Variants in ANKS1B observed in about 807,000 individuals in gnomAD.
The protein encoded by ANKS1B is ankyrin repeat and sterile alpha motif domain containing 1B.
A neutral mutation model predicts 148.3 loss-of-function variants in ANKS1B; 36 were observed. The ratio of observed to expected loss-of-function variants is 0.24; its 90% CI spans 0.19 to 0.32. ANKS1B has a LOEUF of 0.32. Ranked by LOEUF, ANKS1B falls within the 10% of genes least tolerant of loss-of-function variation. The pLI, the probability that ANKS1B is intolerant of heterozygous loss-of-function variation, is 1.00. For synonymous variants in ANKS1B, 542 were observed against 560.8 expected (o/e 0.97, Z 0.47); for missense variants, 1,157 against 1,542.6 (o/e 0.75, Z 4.19).
chr12:99,587,829 ATAGT>A (rs1450881682), intron 9 of ANKS1B, among the ~76,000 whole-genome samples: 1 of 152,200 alleles, frequency 6.6e-6, no homozygotes, highest in African/African-American at 2.4e-5. Flanking sequence ...TAGGTAAAAA[ATAGT>A]TAAATCCATG....
At chr12:99,045,740 T>C (rs1413035499) in intron 17 of ANKS1B, among the ~76,000 whole-genome samples, 2 of 152,158 alleles carry the variant, frequency 1.3e-5, no homozygotes, top group African/African-American at 2.4e-5. Flanking sequence ...GCATGAGGCA[T>C]TGAAGGACAG....
At chr12:99,601,418 A>C (rs1567448952) in intron 9 of ANKS1B, among the ~76,000 whole-genome samples, 1 of 152,096 alleles carries the variant, frequency 6.6e-6, no homozygotes, top group African/African-American at 2.4e-5. Context: ...AACAGATGAC[A>C]TTGTAGCTTT....
intron 9 of ANKS1B, chr12:99,647,904 A>G: frequency 4.6e-6 from 2 of 437,350 alleles, no homozygotes; most frequent in Non-Finnish European, 8.1e-6. Context: ...CCGGACATCC[A>G]CGAGGGCCCC....
intron 9 of ANKS1B, among the ~76,000 whole-genome samples, chr12:99,555,566 G>C (rs2097267421): frequency 6.6e-6 from 1 of 152,102 alleles, no homozygotes. Context: ...TATGATGTTG[G>C]TTGTGGGTTT....
chr12:99,867,850 C>A (rs1027311522), intron 1 of ANKS1B, among the ~76,000 whole-genome samples: 1 of 152,144 alleles, frequency 6.6e-6, no homozygotes, highest in African/African-American at 2.4e-5. Context: ...CGCAGCCTCA[C>A]AAGAACATTG....
intron 17 of ANKS1B, among the ~76,000 whole-genome samples, chr12:99,002,762 G>T (rs1194303233): frequency 3.9e-5 from 6 of 152,186 alleles, no homozygotes; most frequent in African/African-American, 1.4e-4. Flanking sequence ...TACATAGTTT[G>T]CAAATGTTTT....
chr12:99,772,583 T>A (rs1410102068), intron 8 of ANKS1B: 2 of 164,146 alleles, frequency 1.2e-5, no homozygotes, highest in Non-Finnish European at 2.6e-5. Flanking sequence ...GGGAAGACAG[T>A]CGAAAGGAAG....
At chr12:99,283,019 C>T (rs755479642) in intron 12 of ANKS1B, among the ~76,000 whole-genome samples, 11 of 152,120 alleles carry the variant, frequency 7.2e-5, no homozygotes, top group African/African-American at 2.2e-4. Context: ...AGCATTCTGA[C>T]GTTTAGGGGT....
At chr12:99,312,317 T>C (rs1388592701) in intron 12 of ANKS1B, among the ~76,000 whole-genome samples, 8 of 152,226 alleles carry the variant, frequency 5.3e-5, no homozygotes, top group Non-Finnish European at 1.2e-4. Flanking sequence ...TCTTTTCATT[T>C]TATCATATGA....
intron 17 of ANKS1B, among the ~76,000 whole-genome samples, chr12:98,955,493 G>A (rs1334243328): frequency 1.3e-5 from 2 of 152,180 alleles, no homozygotes; most frequent in African/African-American, 2.4e-5. Context: ...CCAGAAGGGG[G>A]ACAAGGTGGA....
At chr12:99,145,272 G>T in intron 15 of ANKS1B, among the ~76,000 whole-genome samples, 1 of 151,470 alleles carries the variant, frequency 6.6e-6, no homozygotes, top group East Asian at 1.9e-4. Flanking sequence ...GTTCTGGGCA[G>T]AAAACAGTGT....
In ANKS1B at chr12:99,373,691, G is replaced by GT. The variant is rs143795955; in HGVS notation, c.1756+25939dup. On this transcript the variant is annotated intron_variant, in intron 12 of 26. Transcript: ENST00000683438. Reference sequence around the variant, plus strand: ...TTTTTGAATACTTGTTTCATTTTTTGTTTTTTTTTTAAATCCTGCTTACAT... The same window carrying GT: ...TTTTTGAATACTTGTTTCATTTTTTGTTTTTTTTTTTAAATCCTGCTTACAT... Among the ~76,000 whole-genome samples the GT allele has an allele frequency of 4.7e-3, 688 of 147,154 alleles. 35 individuals are homozygous for GT. In the East Asian group the frequency reaches 0.094, roughly 20 times the overall value.
At chr12:99,881,929 A>T (rs913386443) in intron 1 of ANKS1B, among the ~76,000 whole-genome samples, 2 of 152,378 alleles carry the variant, frequency 1.3e-5, no homozygotes, top group East Asian at 1.9e-4. Flanking sequence ...AGAGCCAGAA[A>T]AATTTCAAAT....
At chr12:98,845,979 T>TATACAC (rs370978686) in intron 17 of ANKS1B, among the ~76,000 whole-genome samples, 4 of 120,630 alleles carry the variant, frequency 3.3e-5, no homozygotes, top group African/African-American at 8.6e-5. Context: ...TATATATATA[T>TATACAC]ACACACACAC....
intron 4 of ANKS1B, among the ~76,000 whole-genome samples, chr12:99,801,838 A>G (rs1045867509): frequency 6.6e-6 from 1 of 152,208 alleles, no homozygotes; most frequent in African/African-American, 2.4e-5. Flanking sequence ...CCTTAGATAC[A>G]AACCTAAAAG....
At chr12:99,637,278 T>A (rs2098247609) in intron 9 of ANKS1B, among the ~76,000 whole-genome samples, 1 of 152,172 alleles carries the variant, frequency 6.6e-6, no homozygotes, top group African/African-American at 2.4e-5. Context: ...GCACTCCAGC[T>A]TGGGCAGCAA....
chr12:98,749,476 C>T (rs959377795), intron 26 of ANKS1B, among the ~76,000 whole-genome samples: 8 of 152,090 alleles, frequency 5.3e-5, no homozygotes, highest in African/African-American at 7.2e-5. Context: ...TTAATAAATG[C>T]TACACAGAAT....
intron 12 of ANKS1B, among the ~76,000 whole-genome samples, chr12:99,354,897 T>C (rs2091828171): frequency 6.6e-6 from 1 of 152,036 alleles, no homozygotes; most frequent in Non-Finnish European, 1.5e-5. Flanking sequence ...TATTAGCATA[T>C]CCAACGGTGT....
intron 12 of ANKS1B, among the ~76,000 whole-genome samples, chr12:99,369,093 G>C (rs755097263): frequency 6.6e-6 from 1 of 152,116 alleles, no homozygotes; most frequent in African/African-American, 2.4e-5. Flanking sequence ...AGGGCAAACA[G>C]ACCTTGCAAT....
Sources: allele counts gnomAD v4.1 joint callset (sites outside exome capture counted in the v4.1 genomes callset), GRCh38; gene constraint gnomAD v4.1.1; transcripts MANE v1.5; gene names NCBI Gene and HGNC (gene_info 2026-07-23, HGNC 2026-07-21).